The following ODR4 variants were observed in gnomAD, a reference collection of about 807,000 sequenced individuals.
ODR4 encodes protein odr-4 homolog.
A neutral mutation model predicts 60.2 loss-of-function variants in ODR4; 47 were observed. The observed-to-expected ratio is 0.78, with a 90% CI of 0.62 to 1.00. The LOEUF (loss-of-function observed/expected upper bound fraction) is 1.00. Ranked by LOEUF, ODR4 falls within the 50% of genes least tolerant of loss-of-function variation. ODR4 has a pLI of 0.00. For missense variants in ODR4, 488 were observed against 530.8 expected, an observed-to-expected ratio of 0.92 and a Z score of 0.79; for synonymous variants, 178 against 175.5, an observed-to-expected ratio of 1.01 and a Z score of -0.11.
rs754257345 is a variant in ODR4 at position 186,417,668 on chromosome 1, C to T, written c.1297+14C>T. On this transcript the variant is annotated intron_variant, in intron 13 of 13. Coordinates refer to ENST00000287859, the MANE Select transcript of ODR4 (RefSeq NM_017847.6). ...AGCAAAACATAGGTATTTAATTTTA[C>T]TTCTTTTATAACACTGAAAACATAT... 133 of 1,314,248 alleles carry T rather than the reference C, an allele frequency of 1.0e-4. No homozygotes were observed. The East Asian group carries it at 3.1e-3, about 30-fold the overall frequency. 81.4% of individuals were successfully genotyped at this position (1,314,248 alleles called of 1,614,324 possible).
intron 12 of ODR4, among the ~76,000 whole-genome samples, chr1:186,409,769 C>T (rs1661302650): frequency 6.6e-6 from 1 of 152,188 alleles, no homozygotes; most frequent in Non-Finnish European, 1.5e-5. Context: ...TGTTCTCTAA[C>T]TCCTGACCTT....
intron 2 of ODR4, among the ~76,000 whole-genome samples, chr1:186,381,443 T>C (rs1228448888): frequency 6.6e-6 from 1 of 152,008 alleles, no homozygotes; most frequent in Non-Finnish European, 1.5e-5. Flanking sequence ...TTCTCCTGCC[T>C]CAGCCTCCCG....
Position 186,378,188 on chromosome 1 carries a change from C to T in ODR4, c.-19-1579C>T, listed in dbSNP as rs115203055. ...TTCTCTGGGCTTTAGTTTTAAAATG[C>T]AAAACCGTTTTGTGACTGACAGTTT... On this transcript the variant is annotated intron_variant, in intron 1 of 13. Transcript: ENST00000287859. Among the ~76,000 whole-genome samples the T allele has an allele frequency of 6.1e-3, 926 of 152,238 alleles. 12 individuals are homozygous for T. Among genetic ancestry groups the T allele is most frequent in the African/African-American group, 0.022 (896 of 41,518 alleles).
chr1:186,421,353 TAAAC>T lies in ODR4; in HGVS notation c.*2279_*2282del, dbSNP rs1449907941. ...AATTGTAAACAAATGTAAAACTAAA[TAAAC>T]ATTGTTATGCAACATTAATAATGTG... On this transcript the variant is annotated 3_prime_UTR_variant, in exon 14 of 14. Transcript: ENST00000287859. 5 of 151,568 alleles carry T rather than the reference TAAAC, an allele frequency of 3.3e-5. No individual in the cohort carries two copies. The highest frequency in any genetic ancestry group is 7.2e-5 in the African/African-American group (3 of 41,396). The allele number at this position is 151,568 out of a possible 1,614,324, so 9.4% of individuals were successfully genotyped here.
chr1:186,427,421 ACTC>A, the ODR4 span, among the ~76,000 whole-genome samples: 2 of 151,952 alleles, frequency 1.3e-5, no homozygotes, highest in Admixed American at 6.6e-5. Flanking sequence ...TTAAGAAACA[ACTC>A]CTCATTCATT....
chr1:186,390,836 G>A lies in ODR4; in HGVS notation c.600G>A (p.Leu200=). 1.2e-6 allele frequency: 2 copies of A among 1,612,096 alleles called. No homozygotes were observed. The highest frequency in any genetic ancestry group is 2.2e-5 in the South Asian group (2 of 90,864). Residue 200 remains leucine, a synonymous_variant, in exon 7 of 14, where the codon CTG becomes CTA. Transcript: ENST00000287859. ...CTGCTACTTCTGTCAGCTATACTCTGGAGAAAAATACAAAGGTACCAGGGT... is the reference window on the plus strand; with the variant it reads ...CTGCTACTTCTGTCAGCTATACTCTAGAGAAAAATACAAAGGTACCAGGGT... The part of the protein sequence containing the change: ...PLSATSVSYT[L]EKNTKNGLTR...
In ODR4 at chr1:186,377,535, A is replaced by T. The variant is rs1405337042; in HGVS notation, c.-20+1561A>T. Among the ~76,000 whole-genome samples the T allele has an allele frequency of 2.6e-5, 4 of 152,228 alleles. No individual in the cohort carries two copies. In the East Asian group the frequency reaches 7.7e-4, roughly 29 times the overall value. ...TAAATATAACTTTAGAATTACTTGT[A>T]TTTGTTGCAAGAATTAAGAATTATT... On this transcript the variant is annotated intron_variant, in intron 1 of 13. Coordinates refer to ENST00000287859, the MANE Select transcript of ODR4 (RefSeq NM_017847.6).
intron 4 of ODR4, among the ~76,000 whole-genome samples, chr1:186,388,115 T>A (rs1042250333): frequency 2.0e-5 from 3 of 152,232 alleles, no homozygotes; most frequent in African/African-American, 7.2e-5. Context: ...TTAAATTTTT[T>A]TATTTAAACC....
Position 186,420,503 on chromosome 1 carries a change from G to A in ODR4, c.*1427G>A, listed in dbSNP as rs1001855861. The A allele has an allele frequency of 1.8e-4, 28 of 152,114 alleles. No individual in the cohort carries two copies. The highest frequency in any genetic ancestry group is 6.8e-4 in the African/African-American group (28 of 41,404). The allele number at this position is 152,114 out of a possible 1,614,324, so 9.4% of individuals were successfully genotyped here. A position where few individuals can be genotyped will look rare whatever the true frequency, so the allele number is the denominator to read the frequency against. ...GAAAGCTATAGAAAAAATAAACATT[G>A]AACTCAGTTCTTCAAGGTTTCATCA... is the stretch of plus-strand genomic sequence containing the variant. On this transcript the variant is annotated 3_prime_UTR_variant, in exon 14 of 14. Transcript: ENST00000287859.
intron 12 of ODR4, among the ~76,000 whole-genome samples, chr1:186,415,811 G>A (rs1661543372): frequency 6.6e-6 from 1 of 152,190 alleles, no homozygotes; most frequent in African/African-American, 2.4e-5. Flanking sequence ...ATAAATTGCT[G>A]TCAGCATAAT....
At chr1:186,389,438 A>C in intron 5 of ODR4, 150 bp from the exon 6 acceptor site, 1 of 611,036 alleles carries the variant, frequency 1.6e-6, no homozygotes, top group Non-Finnish European at 2.9e-6. Flanking sequence ...ATATGCACAC[A>C]TGTACATATA....
Position 186,380,033 on chromosome 1 carries a change from A to C in ODR4, c.99+149A>C, listed in dbSNP as rs1659965460. On this transcript the variant is annotated intron_variant, in intron 2 of 13. Transcript: ENST00000287859. Reference sequence around the variant, plus strand: ...GAAGAAATGTGGAAGAAGTAACTTTAAAGTAGGTCTTTGAGGAAACATGGA... The same window carrying C: ...GAAGAAATGTGGAAGAAGTAACTTTCAAGTAGGTCTTTGAGGAAACATGGA... 4 of 523,520 alleles carry C rather than the reference A, an allele frequency of 7.6e-6. No individual in the cohort carries two copies. The East Asian group carries it at 1.4e-4, about 18-fold the overall frequency. 32.4% of individuals were successfully genotyped at this position (523,520 alleles called of 1,614,324 possible).
intron 12 of ODR4, among the ~76,000 whole-genome samples, chr1:186,414,334 G>C (rs1169405407): frequency 6.6e-6 from 1 of 151,676 alleles, no homozygotes; most frequent in Non-Finnish European, 1.5e-5. Context: ...ATCTTCATAT[G>C]TAATAATTCA....
chr1:186,410,063 GTATT>G (rs1473960019), intron 12 of ODR4, among the ~76,000 whole-genome samples: 3 of 152,166 alleles, frequency 2.0e-5, no homozygotes, highest in East Asian at 1.9e-4. Context: ...AGTAAGTAGA[GTATT>G]TATCTGTACC....
intron 2 of ODR4, 105 bp downstream of exon 2, chr1:186,379,989 T>C (rs1033893217): frequency 3.2e-5 from 20 of 628,300 alleles, no homozygotes; most frequent in Non-Finnish European, 5.0e-5. Flanking sequence ...AATAATAAAC[T>C]CAAGATTGGG....
At chr1:186,417,449 G>A in intron 12 of ODR4, 95 bp from the exon 13 acceptor site, 2 of 710,998 alleles carry the variant, frequency 2.8e-6, no homozygotes, top group South Asian at 3.4e-5. Flanking sequence ...AGAAAATGGT[G>A]ATGATCGTAT....
chr1:186,380,332 T>G (rs1281878582), intron 2 of ODR4, among the ~76,000 whole-genome samples: 6 of 152,204 alleles, frequency 3.9e-5, no homozygotes, highest in Admixed American at 3.9e-4. Context: ...CATATTTTTG[T>G]TGTAAGCTAT....
the ODR4 span, among the ~76,000 whole-genome samples, chr1:186,429,229 T>A: frequency 6.6e-6 from 1 of 151,412 alleles, no homozygotes; most frequent in Admixed American, 6.6e-5. Flanking sequence ...CCAGCCTGAG[T>A]GCACACACTG....
intron 12 of ODR4, among the ~76,000 whole-genome samples, chr1:186,417,089 A>G (rs1661603154): frequency 6.6e-6 from 1 of 151,780 alleles, no homozygotes; most frequent in Non-Finnish European, 1.5e-5. Flanking sequence ...CAGCCTCCCA[A>G]GTAGCTGGGA....
Sources: allele counts gnomAD v4.1 joint callset (sites outside exome capture counted in the v4.1 genomes callset), GRCh38; gene constraint gnomAD v4.1.1; transcripts MANE v1.5; gene names NCBI Gene and HGNC (gene_info 2026-07-23, HGNC 2026-07-21).